RAB28: variants seen among roughly 807,000 people sequenced by gnomAD.
RAB28 encodes RAB28, member RAS oncogene family.
A neutral mutation model predicts 31.7 loss-of-function variants in RAB28; 24 were observed. The observed-to-expected ratio is 0.76, with a 90% CI of 0.55 to 1.06. The LOEUF (loss-of-function observed/expected upper bound fraction) is 1.06. Ranked by LOEUF, RAB28 falls within the 50% of genes least tolerant of loss-of-function variation. The probability of loss-of-function intolerance (pLI) is 0.00; values close to 1 mark genes in which losing one functional copy is unlikely to be tolerated. For synonymous variants in RAB28, 100 were observed against 90.4 expected (o/e 1.11, Z -0.60); for missense variants, 254 against 258.5 (o/e 0.98, Z 0.12).
intron 4 of RAB28, among the ~76,000 whole-genome samples, chr4:13,425,867 C>G (rs565279250): frequency 6.6e-6 from 1 of 152,266 alleles, no homozygotes; most frequent in African/African-American, 2.4e-5. Context: ...CAGTTTGGAA[C>G]TGCATCAATT....
chr4:13,439,316 G>GACACTTGTTTTA (rs370511474), intron 4 of RAB28, among the ~76,000 whole-genome samples: 1,687 of 152,216 alleles, frequency 0.011, 31 homozygotes, highest in African/African-American at 0.039. Context: ...TTATATTTAA[G>GACACTTGTTTTA]TATTTAAGAC....
chr4:13,413,703 T>A lies in RAB28; in HGVS notation c.392-32109A>T, dbSNP rs559607198. 2.2e-4 allele frequency among the ~76,000 whole-genome samples: 33 copies of A among 152,316 alleles called. 1 individual carries two copies. In the South Asian group the frequency reaches 6.6e-3, roughly 31 times the overall value. ...ATAAGAAAAGAAGAGATAGTTTTTT[T>A]ATAAATTAGGAATGGAAAAAAGGGG... On this transcript the variant is annotated intron_variant, in intron 4 of 6. Coordinates refer to ENST00000330852, the MANE Select transcript of RAB28 (RefSeq NM_001017979.3).
rs372076613 is a variant in RAB28, at chr4:13,368,544, A to C, written c.*14T>G. The C allele has an allele frequency of 1.2e-6, 2 of 1,601,954 alleles. No individual in the cohort carries two copies. Among genetic ancestry groups the C allele is most frequent in the South Asian group, 1.1e-5 (1 of 89,250 alleles). On this transcript the variant is annotated 3_prime_UTR_variant, in exon 7 of 7. Coordinates refer to ENST00000330852, the MANE Select transcript of RAB28 (RefSeq NM_001017979.3). ...AAGGGCAGCCAGAACTATCAACACA[A>C]AAGAAAAATGCGCTCACTGAACTGC...
intron 4 of RAB28, among the ~76,000 whole-genome samples, chr4:13,421,416 A>G (rs995222376): frequency 6.6e-6 from 1 of 152,226 alleles, no homozygotes; most frequent in Admixed American, 6.5e-5. Context: ...TTTAAAGTTC[A>G]TATGGAATAA....
chr4:13,381,864 T>C (rs920715011), intron 4 of RAB28, among the ~76,000 whole-genome samples: 1 of 152,098 alleles, frequency 6.6e-6, no homozygotes, highest in Non-Finnish European at 1.5e-5. Flanking sequence ...AAAAAAAATG[T>C]GCGCTATCAT....
chr4:13,450,671 T>C (rs184332079), intron 4 of RAB28, among the ~76,000 whole-genome samples: 13 of 151,984 alleles, frequency 8.6e-5, no homozygotes, highest in Admixed American at 2.0e-4. Context: ...AATAAGAATA[T>C]GCAGATAACT....
chr4:13,368,718 A>G, intron 6 of RAB28, 68 bp from the exon 7 acceptor site: 1 of 1,378,524 alleles, frequency 7.3e-7, no homozygotes, highest in Admixed American at 2.2e-5. Flanking sequence ...CTTAAAGTAT[A>G]TTTTTATTTT....
At chr4:13,389,081 T>C (rs942403822) in intron 4 of RAB28, among the ~76,000 whole-genome samples, 22 of 152,216 alleles carry the variant, frequency 1.4e-4, no homozygotes, top group African/African-American at 4.8e-4. Context: ...AATGACTGGA[T>C]AAACAAAATG....
chr4:13,424,671 G>A (rs963234040), intron 4 of RAB28, among the ~76,000 whole-genome samples: 3 of 152,124 alleles, frequency 2.0e-5, no homozygotes, highest in Admixed American at 6.5e-5. Flanking sequence ...AATGTCACCA[G>A]ATCTATACAC....
At chr4:13,450,677 T>A (rs1196606422) in intron 4 of RAB28, among the ~76,000 whole-genome samples, 1 of 151,874 alleles carries the variant, frequency 6.6e-6, no homozygotes, top group Non-Finnish European at 1.5e-5. Context: ...AATATGCAGA[T>A]AACTGAAACT....
intron 4 of RAB28, among the ~76,000 whole-genome samples, chr4:13,413,290 T>TA (rs1277140634): frequency 6.6e-6 from 1 of 152,170 alleles, no homozygotes; most frequent in Non-Finnish European, 1.5e-5. Context: ...ATTATAATAT[T>TA]AAAAAATCAA....
intron 4 of RAB28, among the ~76,000 whole-genome samples, chr4:13,439,386 G>A (rs953503692): frequency 1.7e-4 from 26 of 152,024 alleles, no homozygotes; most frequent in Admixed American, 5.9e-4. Context: ...ACAAAGTCTC[G>A]CCCTGTCACC....
At chr4:13,458,178 A>G (rs759011181) in intron 4 of RAB28, among the ~76,000 whole-genome samples, 1 of 152,048 alleles carries the variant, frequency 6.6e-6, no homozygotes, top group Non-Finnish European at 1.5e-5. Context: ...GCAAACTACA[A>G]TTTCTACCCA....
At chr4:13,448,249 C>T (rs1460775728) in intron 4 of RAB28, among the ~76,000 whole-genome samples, 1 of 152,010 alleles carries the variant, frequency 6.6e-6, no homozygotes, top group East Asian at 1.9e-4. Flanking sequence ...GTTTCTATAG[C>T]TCTGTGTTCT....
At chr4:13,424,279 C>T (rs1047292207) in intron 4 of RAB28, among the ~76,000 whole-genome samples, 5 of 152,126 alleles carry the variant, frequency 3.3e-5, no homozygotes, top group Non-Finnish European at 7.3e-5. Flanking sequence ...GGGCCAAGTG[C>T]CATCTGAAGG....
In RAB28 at chr4:13,459,411, T is replaced by C. The variant is rs181018168; in HGVS notation, c.391+1288A>G. Among the ~76,000 whole-genome samples the C allele has an allele frequency of 4.6e-5, 7 of 152,326 alleles. No homozygotes were observed. The South Asian group carries it at 1.2e-3, about 27-fold the overall frequency. On this transcript the variant is annotated intron_variant, in intron 4 of 6. Coordinates refer to ENST00000330852, the MANE Select transcript of RAB28 (RefSeq NM_001017979.3). ...CCCTCTACAGAACCCTAATATATAC[T>C]CTATAACGTTCACACAATGAAACTG...
chr4:13,380,129 A>AC (rs968153418), intron 5 of RAB28, among the ~76,000 whole-genome samples: 1 of 152,106 alleles, frequency 6.6e-6, no homozygotes, highest in African/African-American at 2.4e-5. Flanking sequence ...TTGACATTAC[A>AC]TTTTTTAAAA....
chr4:13,457,936 C>T (rs1431905434), intron 4 of RAB28, among the ~76,000 whole-genome samples: 2 of 152,154 alleles, frequency 1.3e-5, no homozygotes, highest in Non-Finnish European at 2.9e-5. Context: ...TCTATAATTT[C>T]TCATAAGGTA....
At chr4:13,416,484 C>T (rs1387780007) in intron 4 of RAB28, among the ~76,000 whole-genome samples, 1 of 152,100 alleles carries the variant, frequency 6.6e-6, no homozygotes, top group Non-Finnish European at 1.5e-5. Context: ...ATTCCGGACA[C>T]AGTATGTTTA....
Sources: allele counts gnomAD v4.1 joint callset (sites outside exome capture counted in the v4.1 genomes callset), GRCh38; gene constraint gnomAD v4.1.1; transcripts MANE v1.5; gene names NCBI Gene and HGNC (gene_info 2026-07-23, HGNC 2026-07-21).